Variants in MYH3 observed in about 807,000 individuals in gnomAD.
The protein encoded by MYH3 is myosin heavy chain 3.
A neutral mutation model predicts 238.0 loss-of-function variants in MYH3; 130 were observed. The observed-to-expected ratio is 0.55, with a 90% CI of 0.47 to 0.63. The LOEUF (loss-of-function observed/expected upper bound fraction) is 0.63. Ranked by LOEUF, MYH3 falls within the 30% of genes least tolerant of loss-of-function variation. The pLI is 0.00. For synonymous variants in MYH3, 880 were observed against 924.1 expected, an observed-to-expected ratio of 0.95 and a Z score of 0.86; for missense variants, 1,853 against 2,374.9, an observed-to-expected ratio of 0.78 and a Z score of 4.57.
In MYH3 at chr17:10,654,404, G is replaced by A. The variant is rs2142430155; in HGVS notation, c.204+457C>T. Among the ~76,000 whole-genome samples, 1 of 152,354 alleles carries A rather than the reference G, an allele frequency of 6.6e-6. No homozygotes were observed. Among genetic ancestry groups the A allele is most frequent in the South Asian group, 2.1e-4 (1 of 4,830 alleles). On this transcript the variant is annotated intron_variant, in intron 3 of 40. Coordinates refer to ENST00000583535, the MANE Select transcript of MYH3 (RefSeq NM_002470.4). The surrounding 1 kb of genome is among the most constrained non-coding windows in gnomAD (Gnocchi z 4.5). ...GCTCATCCCCTTCATGATACAAGGA[G>A]GCTGCTATTTCACTGAGCTTGTGGT...
At chr17:10,667,806 T>C in the MYH3 span, among the ~76,000 whole-genome samples, 1 of 150,908 alleles carries the variant, frequency 6.6e-6, no homozygotes, top group East Asian at 2.0e-4. Flanking sequence ...ACATCTAACA[T>C]AGGAAGGATA....
Position 10,641,341 on chromosome 17 carries a change from C to T in MYH3, c.1991G>A (p.Arg664Lys). Residue 664 changes from arginine (R) to lysine (K), a missense_variant, in exon 18 of 41, where the codon AGA becomes AAA. By Grantham distance (26) the Arg-to-Lys change is conservative. Coordinates refer to ENST00000583535, the MANE Select transcript of MYH3 (RefSeq NM_002470.4). ...ENLNKLMSNL[R>K]TTHPHFVRCI... is the part of the protein sequence containing the mutation. ...ACGCACAAAATGAGGGTGAGTAGTT[C>T]TTAAATTTGACATCAGCTTGTTCAG... is the stretch of plus-strand genomic sequence containing the variant. The T allele has an allele frequency of 6.2e-7, 1 of 1,612,336 alleles. No homozygotes were observed. Among genetic ancestry groups the T allele is most frequent in the East Asian group, 2.2e-5 (1 of 44,824 alleles).
At chr17:10,670,958 T>C in the MYH3 span, among the ~76,000 whole-genome samples, 3 of 152,070 alleles carry the variant, frequency 2.0e-5, no homozygotes, top group Non-Finnish European at 4.4e-5. This position sits in a 1 kb window ranked among gnomAD's most constrained non-coding sequence, Gnocchi z 7.0. Context: ...GGCGCGATCT[T>C]GGCTCACTGC....
chr17:10,646,834 G>A (rs1224399786), intron 10 of MYH3, among the ~76,000 whole-genome samples: 1 of 152,172 alleles, frequency 6.6e-6, no homozygotes, highest in Non-Finnish European at 1.5e-5. Flanking sequence ...AATTGCTTGA[G>A]CCCAGGAGTT....
At chr17:10,641,508 CTTTTTTT>C (rs541839271) in intron 17 of MYH3, 136 bp from the exon 18 acceptor site, 17 of 115,114 alleles carry the variant, frequency 1.5e-4, no homozygotes, top group East Asian at 2.8e-4. Context: ...TTAACTCTGT[CTTTTTTT>C]TTTTTTTTTT....
chr17:10,662,007 G>GCTTT (rs141386069), upstream of MYH3, among the ~76,000 whole-genome samples: 1,145 of 151,474 alleles, frequency 7.6e-3, 11 homozygotes, highest in Non-Finnish European at 0.013. Flanking sequence ...ACCTTCCCCA[G>GCTTT]CTTTCTTTCT....
chr17:10,671,572 A>ATTTT, the MYH3 span, among the ~76,000 whole-genome samples: 14 of 82,318 alleles, frequency 1.7e-4, no homozygotes, highest in South Asian at 4.3e-4. Flanking sequence ...TCTCAGGGTC[A>ATTTT]TTTTTTTTTT....
At chr17:10,665,578 T>A in the MYH3 span, among the ~76,000 whole-genome samples, 10 of 152,192 alleles carry the variant, frequency 6.6e-5, no homozygotes. Context: ...ATAGAGAGGA[T>A]AAAATACTTA....
Position 10,628,596 on chromosome 17 carries a change from A to T in MYH3, c.*57T>A. 6.3e-7 allele frequency: 1 copy of T among 1,585,388 alleles called. No homozygotes were observed. Among genetic ancestry groups the T allele is most frequent in the African/African-American group, 1.3e-5 (1 of 74,408 alleles). On this transcript the variant is annotated 3_prime_UTR_variant, in exon 41 of 41. Coordinates refer to ENST00000583535, the MANE Select transcript of MYH3 (RefSeq NM_002470.4). Reference sequence around the variant, plus strand: ...ACATGGACATTAAGTATCAATGGTCAGGAATCAAGAAAATATACATTTTGC... The same window carrying T: ...ACATGGACATTAAGTATCAATGGTCTGGAATCAAGAAAATATACATTTTGC...
intron 28 of MYH3, 36 bp from the exon 29 acceptor site, chr17:10,635,889 T>C: frequency 4.6e-6 from 7 of 1,528,294 alleles, no homozygotes; most frequent in Non-Finnish European, 6.4e-6. Context: ...TTTCATTTAT[T>C]CACTCATTCA....
the MYH3 span, among the ~76,000 whole-genome samples, chr17:10,667,490 T>C: frequency 7.9e-5 from 12 of 152,226 alleles, 1 homozygote; most frequent in South Asian, 2.5e-3. Flanking sequence ...GAGACCAGCC[T>C]GGCCAACGTG....
upstream of MYH3, among the ~76,000 whole-genome samples, chr17:10,661,120 G>C (rs1223329222): frequency 2.0e-5 from 3 of 151,596 alleles, no homozygotes; most frequent in Admixed American, 6.5e-5. Flanking sequence ...GGGACTACAG[G>C]CATATGCCAC....
At chr17:10,649,737 C>G in intron 6 of MYH3, 52 bp from the exon 7 acceptor site, 1 of 1,520,686 alleles carries the variant, frequency 6.6e-7, no homozygotes, top group Non-Finnish European at 9.1e-7. Flanking sequence ...TTAGTATAAA[C>G]AGGCTTTTCA....
chr17:10,671,380 C>G, the MYH3 span, among the ~76,000 whole-genome samples: 109 of 152,294 alleles, frequency 7.2e-4, 1 homozygote, highest in African/African-American at 2.2e-3. Context: ...CCCAGAAAGA[C>G]TGCCACACTT....
rs2074261378 is a variant in MYH3 at position 10,640,555 on chromosome 17, T to A, written c.2289+8A>T. 1.2e-6 allele frequency: 2 copies of A among 1,614,260 alleles called. No individual in the cohort carries two copies. The highest frequency in any genetic ancestry group is 1.7e-6 in the Non-Finnish European group (2 of 1,180,040). On this transcript the variant is annotated splice_region_variant and intron_variant, in intron 20 of 40. Coordinates refer to ENST00000583535, the MANE Select transcript of MYH3 (RefSeq NM_002470.4). ...AAAGGCCAGCATCTGTCAGAACTGA[T>A]GCATTACCTTGGTATGTCCAAATTT...
chr17:10,635,645 C>A, intron 29 of MYH3, 82 bp from the exon 30 acceptor site: 1 of 1,613,620 alleles, frequency 6.2e-7, no homozygotes, highest in South Asian at 1.1e-5. Context: ...CCTTCTATCA[C>A]CACCTTCTGA....
At chr17:10,644,988 G>C (rs896384149) in intron 12 of MYH3, among the ~76,000 whole-genome samples, 24 of 152,008 alleles carry the variant, frequency 1.6e-4, no homozygotes, top group African/African-American at 5.6e-4. Context: ...ATGGGCATCG[G>C]AGGCCCAGAA....
In MYH3 at chr17:10,654,945, C is replaced by T; in HGVS notation, c.120G>A (p.Val40=). The T allele has an allele frequency of 6.2e-7, 1 of 1,614,196 alleles. No homozygotes were observed. Among genetic ancestry groups the T allele is most frequent in the Middle Eastern group, 1.6e-4 (1 of 6,062 alleles). Residue 40 remains valine (V), a synonymous_variant, in exon 3 of 41, where the codon GTG becomes GTA. Coordinates refer to ENST00000583535, the MANE Select transcript of MYH3 (RefSeq NM_002470.4). The surrounding 1 kb of genome is among the most constrained non-coding windows in gnomAD (Gnocchi z 4.5). ...QPFDAKTYCF[V]VDSKEEYAKG... ...TGGCATATTCTTCCTTTGAGTCCACCACGAAGCAATACGTCTTGGCATCAA... is the reference window on the plus strand; with the variant it reads ...TGGCATATTCTTCCTTTGAGTCCACTACGAAGCAATACGTCTTGGCATCAA...
At chr17:10,643,283 C>T (rs968453942) in intron 14 of MYH3, among the ~76,000 whole-genome samples, 1 of 152,172 alleles carries the variant, frequency 6.6e-6, no homozygotes, top group Non-Finnish European at 1.5e-5. Flanking sequence ...TCTATTTCTT[C>T]TCTACTAGAC....
Sources: allele counts gnomAD v4.1 joint callset (sites outside exome capture counted in the v4.1 genomes callset), GRCh38; gene constraint gnomAD v4.1.1; non-coding constraint Gnocchi (gnomAD v3.1); transcripts MANE v1.5; gene names NCBI Gene and HGNC (gene_info 2026-07-23, HGNC 2026-07-21).